Variants in SHISA9 observed in about 807,000 individuals in gnomAD.
The protein encoded by SHISA9 is shisa family member 9.
SHISA9 carries 13 observed loss-of-function variants against 38.0 expected under a neutral mutation model. The ratio of observed to expected loss-of-function variants is 0.34; its 90% CI spans 0.22 to 0.54. SHISA9 has a LOEUF of 0.54. Among genes scored for constraint, SHISA9 ranks in the 20% least tolerant of loss-of-function variants. The pLI is 0.91. For synonymous variants in SHISA9, 275 were observed against 242.0 expected (o/e 1.14, Z -1.27); for missense variants, 538 against 575.8 (o/e 0.93, Z 0.67).
the SHISA9 span, chr16:13,350,664 G>GTTCT: frequency 3.9e-5 from 6 of 152,282 alleles, no homozygotes; most frequent in African/African-American, 1.4e-4. Flanking sequence ...GCAGAAGTGG[G>GTTCT]TTCTTTCCAG....
At chr16:13,398,599 A>C in the SHISA9 span, among the ~76,000 whole-genome samples, 2 of 140,792 alleles carry the variant, frequency 1.4e-5, no homozygotes, top group Admixed American at 7.2e-5. Context: ...CCCCCACCCC[A>C]CCTCCGGTTC....
At chr16:13,227,497 A>G (rs2142081347) in intron 4 of SHISA9, among the ~76,000 whole-genome samples, 1 of 152,312 alleles carries the variant, frequency 6.6e-6, no homozygotes, top group East Asian at 1.9e-4. Flanking sequence ...TGTAAGGAAA[A>G]GGCTGAAGAA....
At chr16:13,155,732 G>T (rs997835503) in intron 2 of SHISA9, among the ~76,000 whole-genome samples, 6 of 152,106 alleles carry the variant, frequency 3.9e-5, no homozygotes, top group African/African-American at 1.4e-4. Flanking sequence ...TGGGGTGGGG[G>T]ACATTTGTTA....
At chr16:12,973,602 C>A (rs1412420752) in intron 2 of SHISA9, among the ~76,000 whole-genome samples, 1 of 152,182 alleles carries the variant, frequency 6.6e-6, no homozygotes, top group Non-Finnish European at 1.5e-5. Context: ...TCTGCAGATG[C>A]TAGTGATAGT....
At chr16:13,544,327 T>G in the SHISA9 span, among the ~76,000 whole-genome samples, 1 of 149,184 alleles carries the variant, frequency 6.7e-6, no homozygotes, top group Non-Finnish European at 1.5e-5. Flanking sequence ...AAGTACCAGT[T>G]AATTCATGGT....
the SHISA9 span, among the ~76,000 whole-genome samples, chr16:13,437,478 A>C: frequency 8.5e-5 from 13 of 152,168 alleles, no homozygotes; most frequent in Non-Finnish European, 1.9e-4. Context: ...CTGGAAGTGG[A>C]GAGAGGTGAC....
chr16:13,299,157 A>G, the SHISA9 span, among the ~76,000 whole-genome samples: 3 of 152,190 alleles, frequency 2.0e-5, no homozygotes, highest in Non-Finnish European at 4.4e-5. Context: ...GTTACCAGCC[A>G]ACCAAATTCA....
intron 2 of SHISA9, among the ~76,000 whole-genome samples, chr16:13,175,214 GAAAGAAAAAAAAAGA>G (rs2142025043): frequency 1.3e-5 from 2 of 150,888 alleles, no homozygotes; most frequent in African/African-American, 4.9e-5. Context: ...AAAAAAAAAA[GAAAGAAAAAAAAAGA>G]AAAGAAAAAA....
chr16:13,255,247 T>G, the SHISA9 span, among the ~76,000 whole-genome samples: 12 of 151,752 alleles, frequency 7.9e-5, no homozygotes, highest in Admixed American at 5.3e-4. Flanking sequence ...CCCCTTTCTG[T>G]CTCTCTCTCT....
intron 2 of SHISA9, among the ~76,000 whole-genome samples, chr16:12,968,422 G>A (rs1045862086): frequency 1.3e-4 from 20 of 152,078 alleles, no homozygotes; most frequent in Non-Finnish European, 2.4e-4. Context: ...TTACCTTGCA[G>A]TAATTACAAT....
rs13331224 is a variant in SHISA9 at position 13,203,385 on chromosome 16, C to T, written c.692-9C>T. 0.26 allele frequency: 396,224 copies of T among 1,518,832 alleles called. 53,660 individuals carry two copies. Among genetic ancestry groups the T allele is most frequent in the African/African-American group, 0.34 (24,794 of 72,032 alleles). 94.1% of individuals were successfully genotyped at this position (1,518,832 alleles called of 1,614,324 possible). On this transcript the variant is annotated splice_polypyrimidine_tract_variant and intron_variant, in intron 2 of 4. Transcript: ENST00000558583. ...CTGTGACAATCTCCTTCTGTGTCTTCACTTCCAGATGCCACCCAGATGAAC... is the reference window on the plus strand; with the variant it reads ...CTGTGACAATCTCCTTCTGTGTCTTTACTTCCAGATGCCACCCAGATGAAC...
chr16:12,941,660 C>G (rs2071613554), intron 2 of SHISA9, among the ~76,000 whole-genome samples: 2 of 152,182 alleles, frequency 1.3e-5, no homozygotes, highest in South Asian at 4.1e-4. Flanking sequence ...CGAGACCAGC[C>G]TGACCAGCAT....
chr16:13,086,922 T>C (rs1367041612), intron 2 of SHISA9, among the ~76,000 whole-genome samples: 3 of 152,128 alleles, frequency 2.0e-5, no homozygotes, highest in African/African-American at 7.2e-5. Context: ...CATCAACTTA[T>C]CATTTACATT....
At chr16:13,455,779 C>G in the SHISA9 span, among the ~76,000 whole-genome samples, 15 of 152,204 alleles carry the variant, frequency 9.9e-5, no homozygotes, top group Non-Finnish European at 1.9e-4. Flanking sequence ...CCACCCTAAC[C>G]GCAGCCTCCC....
At chr16:12,996,951 A>G (rs1241479087) in intron 2 of SHISA9, among the ~76,000 whole-genome samples, 1 of 152,222 alleles carries the variant, frequency 6.6e-6, no homozygotes, top group African/African-American at 2.4e-5. Context: ...TGCAGCCCCC[A>G]ACTGCCAAAT....
chr16:13,444,470 AAG>A, the SHISA9 span, among the ~76,000 whole-genome samples: 1 of 151,800 alleles, frequency 6.6e-6, no homozygotes, highest in Non-Finnish European at 1.5e-5. Flanking sequence ...GAAGGAAGGA[AAG>A]AAGGGAGGAA....
At chr16:13,535,041 T>G in the SHISA9 span, among the ~76,000 whole-genome samples, 2 of 152,120 alleles carry the variant, frequency 1.3e-5, no homozygotes, top group East Asian at 1.9e-4. Flanking sequence ...GGTCAGGACT[T>G]TGAGATCAGC....
chr16:12,975,549 A>T (rs567110407), intron 2 of SHISA9, among the ~76,000 whole-genome samples: 9 of 148,164 alleles, frequency 6.1e-5, no homozygotes, highest in Admixed American at 4.2e-4. Flanking sequence ...TGTCAGAATA[A>T]TTGGATTTAT....
At chr16:13,433,421 T>C in the SHISA9 span, among the ~76,000 whole-genome samples, 19 of 152,248 alleles carry the variant, frequency 1.2e-4, no homozygotes, top group African/African-American at 4.6e-4. Flanking sequence ...TAGTGCTGTG[T>C]GTGTTAGTTA....
Sources: gnomAD v4.1 joint callset for allele counts (sites outside exome capture counted in the v4.1 genomes callset) on GRCh38, gnomAD v4.1.1 for gene constraint, MANE v1.5 for transcripts, NCBI Gene and HGNC (gene_info 2026-07-23, HGNC 2026-07-21) for gene names.